The following GRB14 variants were observed in gnomAD, a reference collection of about 807,000 sequenced individuals.
GRB14 encodes growth factor receptor-bound protein 14.
In GRB14, 38 loss-of-function variants were observed where a neutral mutation model predicts 69.1. That is an observed-to-expected ratio of 0.55 (90% CI 0.42 to 0.72). The LOEUF (loss-of-function observed/expected upper bound fraction) is 0.72, where lower values mean the gene tolerates loss of function less well. Among genes scored for constraint, GRB14 ranks in the 30% least tolerant of loss-of-function variants. GRB14 has a pLI of 0.00. For synonymous variants in GRB14, 247 were observed against 241.3 expected, an observed-to-expected ratio of 1.02 and a Z score of -0.22; for missense variants, 666 against 666.1, an observed-to-expected ratio of 1.00 and a Z score of 0.00.
chr2:164,621,042 C>A lies in GRB14; in HGVS notation c.191+77G>T. ...GGCCCAGCTCTGGGCACATGGCTCA[C>A]CCCCTAGGACCGCCTCCTCACCCCC... On this transcript the variant is annotated intron_variant, in intron 1 of 13. Transcript: ENST00000263915. This position sits in a 1 kb window ranked among gnomAD's most constrained non-coding sequence, Gnocchi z 6.0. 1.7e-6 allele frequency: 2 copies of A among 1,179,964 alleles called. No homozygotes were observed. The highest frequency in any genetic ancestry group is 3.2e-4 in the Middle Eastern group (1 of 3,102). The allele number at this position is 1,179,964 out of a possible 1,614,324, so 73.1% of individuals were successfully genotyped here. A position where few individuals can be genotyped will look rare whatever the true frequency, so the allele number is the denominator to read the frequency against.
intron 2 of GRB14, among the ~76,000 whole-genome samples, chr2:164,601,534 T>A (rs1347298599): frequency 1.3e-5 from 2 of 152,126 alleles, no homozygotes; most frequent in African/African-American, 4.8e-5. Flanking sequence ...GGGATTGAAA[T>A]CTGAAAATCT....
intron 2 of GRB14, among the ~76,000 whole-genome samples, chr2:164,558,439 A>T (rs1440572220): frequency 6.6e-6 from 1 of 152,202 alleles, no homozygotes; most frequent in Non-Finnish European, 1.5e-5. Flanking sequence ...ACACACACAG[A>T]CACACATGTT....
chr2:164,527,842 T>C (rs915297824), intron 3 of GRB14, among the ~76,000 whole-genome samples: 1 of 151,968 alleles, frequency 6.6e-6, no homozygotes, highest in Non-Finnish European at 1.5e-5. Context: ...TTTAAAGAGG[T>C]GACTATAACA....
intron 6 of GRB14, among the ~76,000 whole-genome samples, chr2:164,518,355 G>C (rs559427990): frequency 6.6e-6 from 1 of 152,196 alleles, no homozygotes; most frequent in African/African-American, 2.4e-5. Flanking sequence ...AAACATCTGG[G>C]ATACAGCAAA....
At chr2:164,602,388 T>C (rs1024603372) in intron 2 of GRB14, among the ~76,000 whole-genome samples, 4 of 152,166 alleles carry the variant, frequency 2.6e-5, no homozygotes, top group Non-Finnish European at 5.9e-5. Context: ...CAATAATATC[T>C]TGACATGCTG....
intron 2 of GRB14, among the ~76,000 whole-genome samples, chr2:164,603,675 T>C (rs35104820): frequency 1.4e-5 from 2 of 144,082 alleles, no homozygotes; most frequent in East Asian, 2.0e-4. Flanking sequence ...AAAAAAAATA[T>C]ATATATATTA....
At chr2:164,535,754 T>A (rs570587322) in intron 3 of GRB14, among the ~76,000 whole-genome samples, 1 of 152,282 alleles carries the variant, frequency 6.6e-6, no homozygotes, top group Admixed American at 6.5e-5. Flanking sequence ...AGAATACTAC[T>A]TAATACCAGC....
intron 2 of GRB14, among the ~76,000 whole-genome samples, chr2:164,585,559 G>A (rs887740018): frequency 1.3e-5 from 2 of 152,076 alleles, no homozygotes; most frequent in African/African-American, 4.8e-5. Flanking sequence ...TGCTAAGAAA[G>A]TAGATTTTAA....
intron 12 of GRB14, 55 bp downstream of exon 12, chr2:164,496,953 G>T: frequency 1.5e-6 from 2 of 1,333,758 alleles, no homozygotes; most frequent in Non-Finnish European, 1.1e-6. Flanking sequence ...AATAATTTCT[G>T]CTTATAGGAG....
chr2:164,536,788 T>C (rs1392089366), intron 3 of GRB14, among the ~76,000 whole-genome samples: 1 of 152,336 alleles, frequency 6.6e-6, no homozygotes, highest in East Asian at 1.9e-4. Context: ...ACTTGTCTAG[T>C]TAATTGATAT....
chr2:164,522,658 C>T (rs531858878), intron 5 of GRB14, among the ~76,000 whole-genome samples: 2 of 152,166 alleles, frequency 1.3e-5, no homozygotes, highest in Non-Finnish European at 1.5e-5. Flanking sequence ...CTCCTTGAGG[C>T]GGGTAAAGCA....
At chr2:164,612,850 A>G (rs570242370) in intron 2 of GRB14, among the ~76,000 whole-genome samples, 12 of 152,346 alleles carry the variant, frequency 7.9e-5, no homozygotes, top group Non-Finnish European at 1.6e-4. Flanking sequence ...TGGACTGCAA[A>G]TGTACCCTGC....
rs550735086 is a variant in GRB14, at chr2:164,519,869, C to A, written c.816+2111G>T. Among the ~76,000 whole-genome samples the A allele has an allele frequency of 5.2e-4, 79 of 152,108 alleles. 1 individual carries two copies. The highest frequency in any genetic ancestry group is 1.9e-3 in the African/African-American group (77 of 41,520). On this transcript the variant is annotated intron_variant, in intron 6 of 13. Coordinates refer to ENST00000263915, the MANE Select transcript of GRB14 (RefSeq NM_004490.3). The stretch of plus-strand genomic sequence containing the variant: ...TTGCTGAAAGAAAACATAGATGACA[C>A]AAACAAATGGAAACACAGCCCATGC...
chr2:164,619,622 C>T, intron 2 of GRB14, 65 bp downstream of exon 2: 1 of 1,091,698 alleles, frequency 9.2e-7, no homozygotes, highest in East Asian at 2.4e-5. Context: ...TTACGGAACA[C>T]CTTAAAGACT....
chr2:164,535,194 T>C (rs1181767468), intron 3 of GRB14, among the ~76,000 whole-genome samples: 1 of 151,936 alleles, frequency 6.6e-6, no homozygotes, highest in Non-Finnish European at 1.5e-5. Context: ...TTCTAATAGG[T>C]CAGTGAGGTC....
chr2:164,496,649 G>C (rs926223313), intron 12 of GRB14, among the ~76,000 whole-genome samples: 7 of 152,000 alleles, frequency 4.6e-5, no homozygotes, highest in African/African-American at 1.7e-4. Context: ...ACCATACTTC[G>C]AAATCATATG....
intron 2 of GRB14, among the ~76,000 whole-genome samples, chr2:164,577,192 A>G (rs1028765118): frequency 1.3e-5 from 2 of 152,234 alleles, no homozygotes; most frequent in Admixed American, 1.3e-4. Flanking sequence ...ACCTTTAAGG[A>G]ACAGATCATT....
intron 2 of GRB14, among the ~76,000 whole-genome samples, chr2:164,585,868 T>C (rs1448852007): frequency 2.0e-5 from 3 of 152,214 alleles, no homozygotes; most frequent in African/African-American, 7.2e-5. Context: ...TTTCTCAATA[T>C]AAAACATTAT....
At chr2:164,594,752 G>A (rs1445540379) in intron 2 of GRB14, among the ~76,000 whole-genome samples, 4 of 152,114 alleles carry the variant, frequency 2.6e-5, no homozygotes, top group African/African-American at 4.8e-5. Context: ...TTTACCATAA[G>A]TATCGTGTAC....
Sources: allele counts gnomAD v4.1 joint callset (sites outside exome capture counted in the v4.1 genomes callset), GRCh38; gene constraint gnomAD v4.1.1; non-coding constraint Gnocchi (gnomAD v3.1); transcripts MANE v1.5; gene names NCBI Gene and HGNC (gene_info 2026-07-23, HGNC 2026-07-21).